DDX42: variants seen among roughly 807,000 people sequenced by gnomAD.
DDX42 encodes the protein ATP-dependent RNA helicase DDX42.
A neutral mutation model predicts 101.5 loss-of-function variants in DDX42; 22 were observed. The ratio of observed to expected loss-of-function variants is 0.22; its 90% CI spans 0.15 to 0.31. DDX42 has a LOEUF of 0.31. Ranked by LOEUF, DDX42 falls within the 10% of genes least tolerant of loss-of-function variation. The probability of loss-of-function intolerance (pLI) is 1.00; values close to 1 mark genes in which losing one functional copy is unlikely to be tolerated. For synonymous variants in DDX42, 402 were observed against 401.2 expected (o/e 1.00, Z -0.02); for missense variants, 849 against 1,199.9 (o/e 0.71, Z 4.32).
At chr17:63,800,334 C>G in intron 5 of DDX42, 134 bp from the exon 6 acceptor site, 1 of 660,684 alleles carries the variant, frequency 1.5e-6, no homozygotes, top group Non-Finnish European at 2.5e-6. Flanking sequence ...GGAATCATTG[C>G]TAGTAAGGAT....
chr17:63,786,318 A>G (rs1299052114), intron 1 of DDX42, among the ~76,000 whole-genome samples: 1 of 152,224 alleles, frequency 6.6e-6, no homozygotes, highest in Non-Finnish European at 1.5e-5. Flanking sequence ...GCAGGATCAT[A>G]GCACACTGTA....
At chr17:63,812,734 A>G (rs1163151248) in intron 14 of DDX42, among the ~76,000 whole-genome samples, 3 of 152,130 alleles carry the variant, frequency 2.0e-5, no homozygotes, top group African/African-American at 4.8e-5. Context: ...TGCAAAAGAT[A>G]AAAGTCCCAG....
intron 13 of DDX42, chr17:63,811,485 A>G: frequency 2.7e-6 from 1 of 364,044 alleles, no homozygotes; most frequent in South Asian, 4.3e-5. Flanking sequence ...TGTGCCTGGA[A>G]GCATCAGCGT....
chr17:63,803,794 T>C (rs1026101185), intron 6 of DDX42, among the ~76,000 whole-genome samples: 14 of 151,388 alleles, frequency 9.2e-5, no homozygotes, highest in African/African-American at 3.4e-4. Context: ...GGACTACAGG[T>C]GTGTGCCACT....
rs368736999 is a variant in DDX42, at chr17:63,817,771, G to A, written c.2190G>A (p.Gly730=). 6.2e-5 allele frequency: 100 copies of A among 1,614,102 alleles called. No individual in the cohort carries two copies. The highest frequency in any genetic ancestry group is 8.3e-5 in the Non-Finnish European group (98 of 1,180,066). ...KAGSSAAGAS[G]WTSAGSLNSV... ...GAAGTTCTGCTGCTGGGGCAAGTGG[G>A]TGGACTAGTGCAGGGAGCTTGAATT... Residue 730 remains glycine (G), a synonymous_variant, in exon 18 of 18, where the codon GGG becomes GGA. Transcript: ENST00000389924.
At position 63,818,536 on chromosome 17, in the gene DDX42, T is replaced by A. The variant is rs2040008835; in HGVS notation, c.*138T>A. ...GTGGAGAGCTGGAGCTTGGAGACAT[T>A]ACCCCTTCATCAGAAGGAATTTTCG... On this transcript the variant is annotated 3_prime_UTR_variant, in exon 18 of 18. Coordinates refer to ENST00000389924, the MANE Select transcript of DDX42 (RefSeq NM_203499.3). 6.7e-6 allele frequency: 5 copies of A among 744,790 alleles called. No homozygotes were observed. The East Asian group carries it at 1.1e-4, about 16-fold the overall frequency. 46.1% of individuals were successfully genotyped at this position (744,790 alleles called of 1,614,324 possible).
rs1555717968 is a variant in DDX42 at position 63,774,234 on chromosome 17, T to TGGTGGTGGC, written c.-151_-150insCGGTGGTGG. On this transcript the variant is annotated 5_prime_UTR_variant, in exon 1 of 18. Coordinates refer to ENST00000389924, the MANE Select transcript of DDX42 (RefSeq NM_203499.3). The stretch of plus-strand genomic sequence containing the variant: ...GCGGTGGTGGCGGTGGCGGCGGCGG[T>TGGTGGTGGC]GGTGGTGGTGGCGGCGGCGGCGGCG... 1 of 252,622 alleles carries TGGTGGTGGC rather than the reference T, an allele frequency of 4.0e-6. No individual in the cohort carries two copies. Among genetic ancestry groups the TGGTGGTGGC allele is most frequent in the Non-Finnish European group, 6.7e-6 (1 of 148,950 alleles). The allele number at this position is 252,622 out of a possible 1,614,324, so 15.6% of individuals were successfully genotyped here.
At chr17:63,781,202 A>G (rs1007944783) in intron 1 of DDX42, among the ~76,000 whole-genome samples, 1 of 152,084 alleles carries the variant, frequency 6.6e-6, no homozygotes. Context: ...CCTATACAAC[A>G]GAAGAATTTT....
intron 2 of DDX42, 126 bp from the exon 3 acceptor site, chr17:63,792,286 T>C: frequency 2.0e-6 from 2 of 976,154 alleles, no homozygotes; most frequent in Admixed American, 5.7e-5. Context: ...GCCTTGGAGG[T>C]CTCTAATTTG....
chr17:63,811,907 ATC>A lies in DDX42; in HGVS notation c.1399-23_1399-22del, dbSNP rs778887320. 2.5e-6 allele frequency: 4 copies of A among 1,614,142 alleles called. No individual in the cohort carries two copies. The East Asian group carries it at 8.9e-5, about 36-fold the overall frequency. ...GCCCTGTGGCTCCAATGTCACAATC[ATC>A]TGTTTCATTTCTTCCTTCTCAGGCA... On this transcript the variant is annotated intron_variant, in intron 13 of 17. Transcript: ENST00000389924.
intron 13 of DDX42, chr17:63,811,727 A>G: frequency 1.5e-6 from 1 of 664,962 alleles, no homozygotes; most frequent in Non-Finnish European, 2.7e-6. Context: ...TGGGGCATAC[A>G]AATTAGGTAT....
intron 14 of DDX42, 64 bp downstream of exon 14, chr17:63,812,272 A>T (rs1261099877): frequency 6.5e-7 from 1 of 1,528,678 alleles, no homozygotes; most frequent in African/African-American, 1.4e-5. Flanking sequence ...GTCTTACTAC[A>T]TAAGACCTAT....
At chr17:63,785,343 A>C (rs2039534160) in intron 1 of DDX42, among the ~76,000 whole-genome samples, 1 of 152,038 alleles carries the variant, frequency 6.6e-6, no homozygotes, top group Admixed American at 6.6e-5. Flanking sequence ...CCAGCTACCC[A>C]GGAGGCTGAG....
chr17:63,819,203 C>T lies in DDX42; in HGVS notation c.*805C>T, dbSNP rs1339958544. 6.6e-6 allele frequency: 1 copy of T among 152,390 alleles called. No individual in the cohort carries two copies. The highest frequency in any genetic ancestry group is 2.4e-5 in the African/African-American group (1 of 41,358). 9.4% of individuals were successfully genotyped at this position (152,390 alleles called of 1,614,324 possible). On this transcript the variant is annotated 3_prime_UTR_variant, in exon 18 of 18. Coordinates refer to ENST00000389924, the MANE Select transcript of DDX42 (RefSeq NM_203499.3). ...AATGATTTTGATGATTTTTGTTTAT[C>T]GTTTATAAAAAGGAAAAGAAATATA... is the stretch of plus-strand genomic sequence containing the variant.
intron 6 of DDX42, among the ~76,000 whole-genome samples, chr17:63,804,239 G>A (rs1248400490): frequency 3.3e-5 from 5 of 151,724 alleles, no homozygotes; most frequent in Non-Finnish European, 7.4e-5. Flanking sequence ...GAGCCCAGGA[G>A]TTTGAGTCTA....
chr17:63,793,570 A>G (rs573797918), intron 3 of DDX42, among the ~76,000 whole-genome samples: 1 of 152,280 alleles, frequency 6.6e-6, no homozygotes, highest in East Asian at 1.9e-4. Flanking sequence ...GCCCAATCCA[A>G]TTCTGTTTTG....
intron 7 of DDX42, 105 bp from the exon 8 acceptor site, chr17:63,806,430 C>G (rs1268064397): frequency 1.5e-6 from 2 of 1,290,768 alleles, no homozygotes; most frequent in Non-Finnish European, 2.1e-6. Flanking sequence ...TGTATTTTTA[C>G]TTCATACTCC....
intron 1 of DDX42, among the ~76,000 whole-genome samples, chr17:63,783,260 A>G (rs1451107510): frequency 1.3e-5 from 2 of 152,036 alleles, no homozygotes; most frequent in Non-Finnish European, 1.5e-5. Flanking sequence ...ATCATATACC[A>G]CCTGACCTTC....
intron 15 of DDX42, among the ~76,000 whole-genome samples, chr17:63,815,036 A>C (rs750292874): frequency 6.6e-6 from 1 of 152,098 alleles, no homozygotes; most frequent in Admixed American, 6.5e-5. Context: ...GTCAAGTTCA[A>C]TGAAAACTTT....
Sources: gnomAD v4.1 joint callset for allele counts (sites outside exome capture counted in the v4.1 genomes callset) on GRCh38, gnomAD v4.1.1 for gene constraint, MANE v1.5 for transcripts, NCBI Gene and HGNC (gene_info 2026-07-23, HGNC 2026-07-21) for gene names.